Variants in SMPDL3B observed in about 807,000 individuals in gnomAD.
SMPDL3B encodes sphingomyelin phosphodiesterase acid like 3B.
In SMPDL3B, 31 loss-of-function variants were observed where a neutral mutation model predicts 37.9. That is an observed-to-expected ratio of 0.82 (90% CI 0.61 to 1.10). The LOEUF (loss-of-function observed/expected upper bound fraction) is 1.10. SMPDL3B is among the 50% of genes least tolerant of loss of function. The probability of loss-of-function intolerance (pLI) is 0.00; values close to 1 mark genes in which losing one functional copy is unlikely to be tolerated. For missense variants in SMPDL3B, 525 were observed against 597.8 expected, an observed-to-expected ratio of 0.88 and a Z score of 1.27; for synonymous variants, 235 against 242.6, an observed-to-expected ratio of 0.97 and a Z score of 0.29.
intron 2 of SMPDL3B, among the ~76,000 whole-genome samples, chr1:27,946,214 G>A (rs757470052): frequency 7.9e-5 from 12 of 151,952 alleles, no homozygotes; most frequent in Non-Finnish European, 1.5e-4. Context: ...TTAGCCTGGC[G>A]TGGTAGTGCA....
chr1:27,935,773 G>A (rs1262317602), intron 1 of SMPDL3B, among the ~76,000 whole-genome samples: 1 of 152,220 alleles, frequency 6.6e-6, no homozygotes, highest in Non-Finnish European at 1.5e-5. Flanking sequence ...GACGTCCAGA[G>A]AAGAGCTGTC....
intron 1 of SMPDL3B, among the ~76,000 whole-genome samples, chr1:27,938,349 G>C (rs1395596107): frequency 6.6e-6 from 1 of 152,214 alleles, no homozygotes; most frequent in Non-Finnish European, 1.5e-5. Context: ...AGTTGCCACT[G>C]CCTGTATGGA....
Position 27,949,138 on chromosome 1 carries a change from A to G in SMPDL3B, c.349A>G (p.Lys117Glu). 1 of 1,614,162 alleles carries G rather than the reference A, an allele frequency of 6.2e-7. No homozygotes were observed. ...ACTGGAAATTGTGGAACGCCTGACC[A>G]AGCTCATCAGAGAGGTCTTTCCAGG... Reference protein sequence around the residue: ...AVLEIVERLTKLIREVFPDTK... With the variant: ...AVLEIVERLTELIREVFPDTK... The change falls in exon 3 of 8, where the codon AAG becomes GAG. Residue 117 changes from lysine (K) to glutamate (E), a missense_variant. Lys to Glu is a moderately conservative substitution (Grantham distance 56, BLOSUM62 1). Coordinates refer to ENST00000373894, the MANE Select transcript of SMPDL3B (RefSeq NM_014474.4).
chr1:27,955,422 C>T (rs1023689973), intron 5 of SMPDL3B, among the ~76,000 whole-genome samples: 2 of 152,144 alleles, frequency 1.3e-5, no homozygotes, highest in Admixed American at 6.5e-5. Context: ...GGGGGAGGTG[C>T]TCTTTGAAGT....
At position 27,938,560 on chromosome 1, in the gene SMPDL3B, G is replaced by A. The variant is rs888970871; in HGVS notation, c.61+3316G>A. On this transcript the variant is annotated intron_variant, in intron 1 of 7. Transcript: ENST00000373894. Reference sequence around the variant, plus strand: ...GAGAGATTAAATGTGATGGCCTTAAGTGAGATCATGCCAGGTACATTGTAA... The same window carrying A: ...GAGAGATTAAATGTGATGGCCTTAAATGAGATCATGCCAGGTACATTGTAA... 2.0e-5 allele frequency among the ~76,000 whole-genome samples: 3 copies of A among 152,328 alleles called. No homozygotes were observed. The East Asian group carries it at 5.8e-4, about 29-fold the overall frequency.
At chr1:27,952,204 T>G (rs2090460871) in intron 3 of SMPDL3B, among the ~76,000 whole-genome samples, 1 of 152,064 alleles carries the variant, frequency 6.6e-6, no homozygotes, top group African/African-American at 2.4e-5. Flanking sequence ...TAATGGCTGC[T>G]GGCATTTACT....
intron 1 of SMPDL3B, among the ~76,000 whole-genome samples, chr1:27,935,766 G>A (rs903182883): frequency 1.3e-4 from 20 of 152,186 alleles, no homozygotes; most frequent in Non-Finnish European, 1.9e-4. Context: ...CTTACAAGAC[G>A]TCCAGAGAAG....
chr1:27,939,310 AC>A (rs1418258429), intron 1 of SMPDL3B, among the ~76,000 whole-genome samples: 1 of 152,080 alleles, frequency 6.6e-6, no homozygotes, highest in African/African-American at 2.4e-5. Context: ...CACAAATCAT[AC>A]TAAAAAGATC....
intron 1 of SMPDL3B, among the ~76,000 whole-genome samples, chr1:27,940,765 C>T (rs1357379646): frequency 1.3e-5 from 2 of 152,198 alleles, no homozygotes; most frequent in African/African-American, 4.8e-5. Context: ...TAGAAAGCCT[C>T]TTAACTTTAA....
chr1:27,949,045 G>A lies in SMPDL3B; in HGVS notation c.276-20G>A, dbSNP rs1571657151. 1.2e-6 allele frequency: 2 copies of A among 1,614,004 alleles called. No homozygotes were observed. Among genetic ancestry groups the A allele is most frequent in the South Asian group, 2.2e-5 (2 of 91,086 alleles). ...CTTCCTGAGTTGCCTGCCCCAAATT[G>A]GCTTGGTGGTGTTTTGTAGTGATGA... On this transcript the variant is annotated intron_variant, in intron 2 of 7. Coordinates refer to ENST00000373894, the MANE Select transcript of SMPDL3B (RefSeq NM_014474.4).
At position 27,958,587 on chromosome 1, in the gene SMPDL3B, C is replaced by T; in HGVS notation, c.1117C>T (p.His373Tyr). The T allele has an allele frequency of 6.2e-7, 1 of 1,613,924 alleles. No homozygotes were observed. The highest frequency in any genetic ancestry group is 8.5e-7 in the Non-Finnish European group (1 of 1,179,992). ...CTATGGGGTGCCGGACGCCAGCGCC[C>T]ACTCCATGCACACAGTGCTGGACCG... Reference protein sequence around the residue: ...EAYGVPDASAHSMHTVLDRIA... With the variant: ...EAYGVPDASAYSMHTVLDRIA... The change falls in exon 8 of 8, where the codon CAC becomes TAC. Residue 373 changes from histidine (H) to tyrosine (Y), a missense_variant. Coordinates refer to ENST00000373894, the MANE Select transcript of SMPDL3B (RefSeq NM_014474.4). This position sits in a 1 kb window ranked among gnomAD's most constrained non-coding sequence, Gnocchi z 5.6.
chr1:27,939,271 A>G (rs1240349643), intron 1 of SMPDL3B, among the ~76,000 whole-genome samples: 2 of 152,196 alleles, frequency 1.3e-5, no homozygotes, highest in African/African-American at 2.4e-5. Flanking sequence ...ATAAATGACT[A>G]TGACTATGGG....
At chr1:27,947,679 G>A (rs1240995440) in intron 2 of SMPDL3B, among the ~76,000 whole-genome samples, 1 of 144,264 alleles carries the variant, frequency 6.9e-6, no homozygotes, top group African/African-American at 2.6e-5. Context: ...ATGGAGTCTC[G>A]CTCTGTCGCC....
At chr1:27,951,191 G>A (rs1252615902) in intron 3 of SMPDL3B, among the ~76,000 whole-genome samples, 1 of 152,080 alleles carries the variant, frequency 6.6e-6, no homozygotes, top group African/African-American at 2.4e-5. Flanking sequence ...GTATAACTAA[G>A]AAAAAACAGC....
At chr1:27,940,335 C>A (rs2090346213) in intron 1 of SMPDL3B, among the ~76,000 whole-genome samples, 1 of 152,194 alleles carries the variant, frequency 6.6e-6, no homozygotes, top group Non-Finnish European at 1.5e-5. Context: ...CTGGGGCTGG[C>A]TGGGTAGAAC....
intron 3 of SMPDL3B, among the ~76,000 whole-genome samples, chr1:27,950,992 G>A (rs2090451410): frequency 6.6e-6 from 1 of 152,052 alleles, no homozygotes; most frequent in Admixed American, 6.5e-5. Context: ...TTGAACTCCT[G>A]GGCTCAAGTA....
In SMPDL3B at chr1:27,954,407, GTCC is replaced by G. The variant is rs1193812422; in HGVS notation, c.574_576del (p.Leu192del). 6.2e-7 allele frequency: 1 copy of G among 1,613,974 alleles called. No individual in the cohort carries two copies. The highest frequency in any genetic ancestry group is 8.5e-7 in the Non-Finnish European group (1 of 1,180,028). On this transcript the variant is annotated inframe_deletion, in exon 5 of 8. Coordinates refer to ENST00000373894, the MANE Select transcript of SMPDL3B (RefSeq NM_014474.4). ...TCCCAGCGGGGCTGGGCGAATTGTGGTCCTCAACACCAATCTGTACTATACCAG... is the reference window on the plus strand; with the variant it reads ...TCCCAGCGGGGCTGGGCGAATTGTGGTCAACACCAATCTGTACTATACCAG...
intron 2 of SMPDL3B, among the ~76,000 whole-genome samples, chr1:27,947,718 G>C (rs1322658191): frequency 6.7e-6 from 1 of 150,236 alleles, no homozygotes; most frequent in Non-Finnish European, 1.5e-5. Context: ...TGCGATCTCG[G>C]CTCACTGGTG....
intron 5 of SMPDL3B, among the ~76,000 whole-genome samples, chr1:27,955,102 C>T (rs1571664040): frequency 1.3e-5 from 2 of 152,294 alleles, no homozygotes; most frequent in Non-Finnish European, 2.9e-5. Context: ...GTAGCGAGTC[C>T]ATCATTCTCA....
Sources: gnomAD v4.1 joint callset for allele counts (sites outside exome capture counted in the v4.1 genomes callset) on GRCh38, gnomAD v4.1.1 for gene constraint, Gnocchi (gnomAD v3.1) non-coding constraint, MANE v1.5 for transcripts, NCBI Gene and HGNC (gene_info 2026-07-23, HGNC 2026-07-21) for gene names.